NETO2: variants seen among roughly 807,000 people sequenced by gnomAD.
NETO2 encodes the protein neuropilin and tolloid-like protein 2.
A neutral mutation model predicts 62.5 loss-of-function variants in NETO2; 28 were observed. The ratio of observed to expected loss-of-function variants is 0.45; its 90% CI spans 0.33 to 0.61. NETO2 has a LOEUF of 0.61. Among genes scored for constraint, NETO2 ranks in the 20% least tolerant of loss-of-function variants. The pLI, the probability that NETO2 is intolerant of heterozygous loss-of-function variation, is 0.02. For missense variants in NETO2, 548 were observed against 643.2 expected (o/e 0.85, Z 1.60); for synonymous variants, 214 against 219.1 (o/e 0.98, Z 0.21).
chr16:47,134,305 T>C (rs1964327192), intron 1 of NETO2, among the ~76,000 whole-genome samples: 1 of 152,224 alleles, frequency 6.6e-6, no homozygotes, highest in African/African-American at 2.4e-5. Context: ...TCCTCTGTCT[T>C]TTCTCAATAA....
intron 6 of NETO2, among the ~76,000 whole-genome samples, chr16:47,114,599 C>T (rs755454288): frequency 2.6e-5 from 4 of 151,274 alleles, no homozygotes; most frequent in East Asian, 3.9e-4. Context: ...TACAGGCCCC[C>T]GCCACCATGC....
chr16:47,116,110 CACT>C (rs1963915488), intron 6 of NETO2, among the ~76,000 whole-genome samples: 1 of 150,634 alleles, frequency 6.6e-6, no homozygotes, highest in Non-Finnish European at 1.5e-5. Context: ...AGGTTTTCAC[CACT>C]AAGTATGGTG....
intron 6 of NETO2, 140 bp downstream of exon 6, chr16:47,122,517 G>A (rs1251210566): frequency 2.2e-6 from 2 of 902,100 alleles, no homozygotes; most frequent in East Asian, 2.6e-5. Flanking sequence ...AATAAAGTAA[G>A]TGAAATAAAA....
rs2143774779 is a variant in NETO2, at chr16:47,078,987, A to T, written c.*4234T>A. 1 of 152,376 alleles carries T rather than the reference A, an allele frequency of 6.6e-6. No individual in the cohort carries two copies. The highest frequency in any genetic ancestry group is 6.5e-5 in the Admixed American group (1 of 15,304). The allele number at this position is 152,376 out of a possible 1,614,324, so 9.4% of individuals were successfully genotyped here. Reference sequence around the variant, plus strand: ...GCTAAACAGAAGTGCTTGACTTTTAAAACGTACAGCTGGGCTGGGCGCCTT... The same window carrying T: ...GCTAAACAGAAGTGCTTGACTTTTATAACGTACAGCTGGGCTGGGCGCCTT... On this transcript the variant is annotated 3_prime_UTR_variant, in exon 9 of 9. Transcript: ENST00000562435.
In NETO2 at chr16:47,128,545, G is replaced by C. The variant is rs1964202536; in HGVS notation, c.261C>G (p.Thr87=). The change falls in exon 4 of 9, where the codon ACC becomes ACG. Residue 87 remains threonine (T), a synonymous_variant. Transcript: ENST00000562435. ...GTTCTATATAATAATGTTCATCAAAGGTCAACTCTATTCTTTGACGTGGAG... is the reference window on the plus strand; with the variant it reads ...GTTCTATATAATAATGTTCATCAAACGTCAACTCTATTCTTTGACGTGGAG... The part of the protein sequence containing the change: ...EAAPRQRIEL[T]FDEHYYIEPS... 2.5e-6 allele frequency: 4 copies of C among 1,612,954 alleles called. No individual in the cohort carries two copies. Among genetic ancestry groups the C allele is most frequent in the Non-Finnish European group, 3.4e-6 (4 of 1,179,858 alleles).
At position 47,086,322 on chromosome 16, in the gene NETO2, T is replaced by C. The variant is rs2143801974; in HGVS notation, c.901A>G (p.Thr301Ala). The C allele has an allele frequency of 3.1e-6, 5 of 1,613,582 alleles. No individual in the cohort carries two copies. Among genetic ancestry groups the C allele is most frequent in the Non-Finnish European group, 4.2e-6 (5 of 1,179,606 alleles). ...CACATGTTGCTATGGCAAAAGAAAG[T>C]GCTGCTTGTGCAGGGAGCTGCAGGA... ...SFVEPPCTSS[T>A]FFCHSNMCIN... Residue 301 changes from threonine to alanine, a missense_variant, in exon 8 of 9, where the codon ACT becomes GCT. Coordinates refer to ENST00000562435, the MANE Select transcript of NETO2 (RefSeq NM_018092.5).
intron 1 of NETO2, among the ~76,000 whole-genome samples, chr16:47,140,859 C>T (rs1348945148): frequency 1.3e-5 from 2 of 152,178 alleles, no homozygotes; most frequent in Admixed American, 6.5e-5. Flanking sequence ...ACAAATTTAA[C>T]CAGTTTCTAC....
At chr16:47,136,767 A>T (rs548383171) in intron 1 of NETO2, among the ~76,000 whole-genome samples, 1 of 152,300 alleles carries the variant, frequency 6.6e-6, no homozygotes, top group South Asian at 2.1e-4. Context: ...GGATTTAATA[A>T]ATGGTTCTGG....
At chr16:47,111,716 T>C (rs911906089) in intron 6 of NETO2, among the ~76,000 whole-genome samples, 4 of 152,200 alleles carry the variant, frequency 2.6e-5, no homozygotes, top group African/African-American at 9.7e-5. Flanking sequence ...CGGTCTGCTC[T>C]GCAGATGCGA....
intron 1 of NETO2, among the ~76,000 whole-genome samples, chr16:47,135,356 C>T (rs1340689223): frequency 2.0e-5 from 3 of 152,160 alleles, no homozygotes; most frequent in Non-Finnish European, 4.4e-5. Flanking sequence ...GAAGACCTCA[C>T]ACTTTGAATT....
intron 6 of NETO2, among the ~76,000 whole-genome samples, chr16:47,118,839 C>A (rs1427249575): frequency 6.6e-6 from 1 of 152,080 alleles, no homozygotes; most frequent in African/African-American, 2.4e-5. Flanking sequence ...AAAAAATAAC[C>A]TTTATCCTAT....
chr16:47,102,381 A>G (rs1315338700), intron 7 of NETO2, among the ~76,000 whole-genome samples: 2 of 152,224 alleles, frequency 1.3e-5, no homozygotes, highest in Non-Finnish European at 2.9e-5. Context: ...AGGCATGGGC[A>G]AAGACTTCAT....
intron 7 of NETO2, among the ~76,000 whole-genome samples, chr16:47,092,746 T>C (rs1963338919): frequency 6.6e-6 from 1 of 152,212 alleles, no homozygotes; most frequent in Non-Finnish European, 1.5e-5. Flanking sequence ...GCTCAGGTTC[T>C]CTCCCTGGTG....
intron 7 of NETO2, among the ~76,000 whole-genome samples, chr16:47,088,665 A>G (rs143952929): frequency 6.6e-5 from 10 of 152,258 alleles, no homozygotes; most frequent in Admixed American, 1.3e-4. Flanking sequence ...ATAAATATAT[A>G]ATAAACATAA....
chr16:47,136,056 TAATC>T (rs1964356774), intron 1 of NETO2, among the ~76,000 whole-genome samples: 1 of 152,222 alleles, frequency 6.6e-6, no homozygotes, highest in Non-Finnish European at 1.5e-5. Context: ...TTTAATATTT[TAATC>T]AAACTCTTAG....
intron 1 of NETO2, among the ~76,000 whole-genome samples, chr16:47,138,949 T>C (rs1456102588): frequency 1.3e-5 from 2 of 152,258 alleles, no homozygotes; most frequent in East Asian, 1.9e-4. Context: ...CTAGAATCTC[T>C]TTGGCTGATT....
Position 47,079,519 on chromosome 16 carries a change from C to CCA in NETO2, c.*3701_*3702insTG, listed in dbSNP as rs1021376332. 2 of 151,660 alleles carry CCA rather than the reference C, an allele frequency of 1.3e-5. No individual in the cohort carries two copies. Among genetic ancestry groups the CCA allele is most frequent in the Admixed American group, 6.6e-5 (1 of 15,198 alleles). The allele number at this position is 151,660 out of a possible 1,614,324, so 9.4% of individuals were successfully genotyped here. ...CTGAGGCAGGAGAATAGCGTGAACC[C>CCA]GGGAGGCGGAGCTTGCAGTGAGCCG... On this transcript the variant is annotated 3_prime_UTR_variant, in exon 9 of 9. Transcript: ENST00000562435.
chr16:47,098,453 T>C (rs1963473481), intron 7 of NETO2, among the ~76,000 whole-genome samples: 1 of 152,000 alleles, frequency 6.6e-6, no homozygotes, highest in Non-Finnish European at 1.5e-5. Flanking sequence ...TTTAATGAAA[T>C]AAAGCGGGAA....
intron 4 of NETO2, among the ~76,000 whole-genome samples, chr16:47,125,916 C>T (rs1964148324): frequency 1.3e-5 from 2 of 152,184 alleles, no homozygotes; most frequent in African/African-American, 4.8e-5. Context: ...GTACAACCAT[C>T]ACCATTTTTT....
Sources: allele counts gnomAD v4.1 joint callset (sites outside exome capture counted in the v4.1 genomes callset), GRCh38; gene constraint gnomAD v4.1.1; transcripts MANE v1.5; gene names NCBI Gene and HGNC (gene_info 2026-07-23, HGNC 2026-07-21).